The following WWOX variants were observed in gnomAD, a reference collection of about 807,000 sequenced individuals.
WWOX encodes the protein WW domain containing oxidoreductase.
Under a neutral mutation model 46.2 loss-of-function variants are expected in WWOX, and 69 were observed. The observed-to-expected ratio is 1.49, with a 90% confidence interval of 1.23 to 1.82. The LOEUF (loss-of-function observed/expected upper bound fraction) is 1.82, where lower values mean the gene tolerates loss of function less well. WWOX is among the 40% of genes most tolerant of loss of function. The probability of loss-of-function intolerance (pLI) is 0.00; values close to 1 mark genes in which losing one functional copy is unlikely to be tolerated. For synonymous variants in WWOX, 359 were observed against 202.6 expected, an observed-to-expected ratio of 1.77 and a Z score of -6.56; for missense variants, 919 against 542.6, an observed-to-expected ratio of 1.69 and a Z score of -6.89.
intron 8 of WWOX, among the ~76,000 whole-genome samples, chr16:79,041,481 C>A (rs2047970195): frequency 6.6e-6 from 1 of 152,174 alleles, no homozygotes; most frequent in African/African-American, 2.4e-5. Context: ...CATTAGGAAC[C>A]TGGATGATGG....
intron 6 of WWOX, among the ~76,000 whole-genome samples, chr16:78,415,717 C>T (rs1041295293): frequency 2.6e-5 from 4 of 151,916 alleles, no homozygotes; most frequent in Non-Finnish European, 5.9e-5. Context: ...GGAGCTGGTC[C>T]CTTTGCAGTA....
chr16:78,814,197 G>T (rs1530), intron 8 of WWOX, among the ~76,000 whole-genome samples: 88,490 of 151,938 alleles, frequency 0.58, 25,823 homozygotes, highest in Middle Eastern at 0.65. Context: ...TAATAATTCT[G>T]TCTTCTAGAG....
At chr16:78,486,728 C>T (rs1360215412) in intron 8 of WWOX, among the ~76,000 whole-genome samples, 3 of 152,202 alleles carry the variant, frequency 2.0e-5, no homozygotes, top group Non-Finnish European at 4.4e-5. Flanking sequence ...TGCATGCCAC[C>T]ATGCCCAGCT....
chr16:79,114,338 G>C (rs1284093449), intron 8 of WWOX, among the ~76,000 whole-genome samples: 3 of 147,770 alleles, frequency 2.0e-5, no homozygotes, highest in Non-Finnish European at 4.5e-5. Flanking sequence ...GTCTTTATTA[G>C]AGAAAAGAGA....
At chr16:78,511,492 T>C (rs1450733556) in intron 8 of WWOX, among the ~76,000 whole-genome samples, 1 of 152,218 alleles carries the variant, frequency 6.6e-6, no homozygotes, top group Non-Finnish European at 1.5e-5. Context: ...AGGGCAGGCC[T>C]GTTGCCCCCA....
chr16:78,622,448 T>A (rs2550602), intron 8 of WWOX, among the ~76,000 whole-genome samples: 110,112 of 151,752 alleles, frequency 0.73, 40,136 homozygotes, highest in African/African-American at 0.77. Flanking sequence ...AGGCTGAGAC[T>A]TAAGAATCGC....
At chr16:78,738,338 G>A (rs1037750965) in intron 8 of WWOX, among the ~76,000 whole-genome samples, 1 of 152,074 alleles carries the variant, frequency 6.6e-6, no homozygotes, top group Non-Finnish European at 1.5e-5. Flanking sequence ...TTTCAGTATG[G>A]TAATAATTAG....
chr16:78,336,041 G>C (rs13337392), intron 5 of WWOX, among the ~76,000 whole-genome samples: 1 of 151,504 alleles, frequency 6.6e-6, no homozygotes, highest in African/African-American at 2.4e-5. Context: ...GCAGTGAGCC[G>C]AGATCAGGCC....
At chr16:78,688,880 G>A (rs1338869032) in intron 8 of WWOX, among the ~76,000 whole-genome samples, 1 of 152,160 alleles carries the variant, frequency 6.6e-6, no homozygotes, top group East Asian at 1.9e-4. Context: ...GGTAGGGAGT[G>A]AGTTCTCACA....
At chr16:79,001,592 A>C (rs968588642) in intron 8 of WWOX, among the ~76,000 whole-genome samples, 1 of 152,110 alleles carries the variant, frequency 6.6e-6, no homozygotes, top group Non-Finnish European at 1.5e-5. Context: ...CCCCTTATAC[A>C]TTAAGGTGCA....
chr16:78,970,163 C>A (rs577238041), intron 8 of WWOX, among the ~76,000 whole-genome samples: 1 of 152,192 alleles, frequency 6.6e-6, no homozygotes, highest in African/African-American at 2.4e-5. Flanking sequence ...CCTGTCACCT[C>A]TACCCCACAC....
At chr16:78,388,374 C>T (rs968697859) in intron 6 of WWOX, among the ~76,000 whole-genome samples, 33 of 152,220 alleles carry the variant, frequency 2.2e-4, no homozygotes, top group African/African-American at 7.2e-4. Context: ...CAGCTGGGTG[C>T]AGTGGCTTAT....
At chr16:78,395,757 TCTTTTTC>T (rs1308630047) in intron 6 of WWOX, among the ~76,000 whole-genome samples, 1 of 70,734 alleles carries the variant, frequency 1.4e-5, no homozygotes, top group East Asian at 1.1e-3. Flanking sequence ...TTTTGTTTTT[TCTTTTTC>T]TTTTTCTTTT....
chr16:78,407,102 T>G (rs561682730), intron 6 of WWOX, among the ~76,000 whole-genome samples: 49 of 152,142 alleles, frequency 3.2e-4, no homozygotes, highest in Non-Finnish European at 4.9e-4. Context: ...TATACTGCCA[T>G]CCATGATTTC....
intron 8 of WWOX, among the ~76,000 whole-genome samples, chr16:79,128,998 G>C (rs1311659711): frequency 1.3e-5 from 2 of 152,186 alleles, no homozygotes; most frequent in East Asian, 1.9e-4. Flanking sequence ...TAGAAATGTT[G>C]TTTTCCATTT....
intron 8 of WWOX, among the ~76,000 whole-genome samples, chr16:79,106,166 C>T (rs1418836674): frequency 6.6e-6 from 1 of 152,142 alleles, no homozygotes; most frequent in Non-Finnish European, 1.5e-5. Flanking sequence ...GGGGCAGGGC[C>T]CAGCCGTCTA....
chr16:79,197,179 A>G (rs866334222), intron 8 of WWOX, among the ~76,000 whole-genome samples: 16 of 152,254 alleles, frequency 1.1e-4, no homozygotes, highest in Middle Eastern at 3.4e-3. Context: ...CAGGTACCCT[A>G]AGCTGGTTTG....
chr16:78,614,085 A>G (rs2045962755), intron 8 of WWOX, among the ~76,000 whole-genome samples: 1 of 152,132 alleles, frequency 6.6e-6, no homozygotes, highest in Admixed American at 6.6e-5. Flanking sequence ...ATGTTGTGTC[A>G]CCCCTGGAGG....
At chr16:79,167,986 A>C (rs889093528) in intron 8 of WWOX, among the ~76,000 whole-genome samples, 25 of 152,220 alleles carry the variant, frequency 1.6e-4, no homozygotes, top group African/African-American at 6.0e-4. Context: ...AGAATATGTG[A>C]CCTTTTGTGT....
Sources: allele counts gnomAD v4.1 joint callset (sites outside exome capture counted in the v4.1 genomes callset), GRCh38; gene constraint gnomAD v4.1.1; transcripts MANE v1.5; gene names NCBI Gene and HGNC (gene_info 2026-07-23, HGNC 2026-07-21).